Variants in IL12RB1 observed in about 807,000 individuals in gnomAD.
IL12RB1 encodes interleukin-12 receptor subunit beta-1.
A neutral mutation model predicts 94.4 loss-of-function variants in IL12RB1; 64 were observed. The ratio of observed to expected loss-of-function variants is 0.68; its 90% confidence interval spans 0.55 to 0.83. The LOEUF is 0.83. Among genes scored for constraint, IL12RB1 ranks in the 40% least tolerant of loss-of-function variants. IL12RB1 has a pLI of 0.00. For missense variants in IL12RB1, 814 were observed against 855.6 expected, an observed-to-expected ratio of 0.95 and a Z score of 0.61; for synonymous variants, 362 against 355.5, an observed-to-expected ratio of 1.02 and a Z score of -0.21.
At position 18,066,604 on chromosome 19, in the gene IL12RB1, C is replaced by T; in HGVS notation, c.1421G>A (p.Cys474Tyr). ...AACATACTCCTTTAGGACGCCGGGA[C>T]AGGTGCTCAGCAGGGATGGTGCCCA... ...VDWAPSLLST[C>Y]PGVLKEYVVR... Residue 474 changes from cysteine (C) to tyrosine (Y), a missense_variant, in exon 12 of 17, where the codon TGT (cysteine) becomes TAT (tyrosine). By Grantham distance (194) the Cys-to-Tyr change is radical. Transcript: ENST00000593993. 1 of 1,613,516 alleles carries T rather than the reference C, an allele frequency of 6.2e-7. No homozygotes were observed. The highest frequency in any genetic ancestry group is 8.5e-7 in the Non-Finnish European group (1 of 1,179,670).
At chr19:18,069,768 C>T in intron 9 of IL12RB1, 55 bp from the exon 10 acceptor site, 1 of 1,303,348 alleles carries the variant, frequency 7.7e-7, no homozygotes, top group Non-Finnish European at 1.1e-6. Context: ...CTCCCCAGTC[C>T]CCTTCTCTGG....
Position 18,075,863 on chromosome 19 carries a change from A to G in IL12RB1, c.586T>C (p.Cys196Arg), listed in dbSNP as rs755767601. ...CGPQDDDTES[C>R]LCPLEMNVAQ... ...ACATTCATCTCCAGGGGGCAGAGGC[A>G]GGACTCTGGGGAGAGGCAGGTCGAA... Residue 196 changes from cysteine to arginine, a missense_variant, in exon 7 of 17, where the codon TGC becomes CGC. Coordinates refer to ENST00000593993, the MANE Select transcript of IL12RB1 (RefSeq NM_005535.3). 3 of 1,613,200 alleles carry G rather than the reference A, an allele frequency of 1.9e-6. No individual in the cohort carries two copies. Among genetic ancestry groups the G allele is most frequent in the Non-Finnish European group, 2.5e-6 (3 of 1,179,190 alleles).
At chr19:18,089,768 T>G (rs2036549789), upstream of IL12RB1, among the ~76,000 whole-genome samples, 1 of 152,170 alleles carries the variant, frequency 6.6e-6, no homozygotes, top group Admixed American at 6.5e-5. Flanking sequence ...GAGGCCCAAG[T>G]GGCCAGGGTT....
chr19:18,066,578 C>T lies in IL12RB1; in HGVS notation c.1447G>A (p.Val483Ile), dbSNP rs745835437. 1 of 1,613,650 alleles carries T rather than the reference C, an allele frequency of 6.2e-7. No individual in the cohort carries two copies. The stretch of plus-strand genomic sequence containing the variant: ...TTGCTGTCTTCATCTCGGCAGCGGA[C>T]AACATACTCCTTTAGGACGCCGGGA... ...TCPGVLKEYV[V>I]RCRDEDSKQV... is the part of the protein sequence containing the mutation. Residue 483 changes from valine (V) to isoleucine (I), a missense_variant, in exon 12 of 17, where the codon GTC becomes ATC. By Grantham distance (29) the Val-to-Ile change is conservative (BLOSUM62 3). Transcript: ENST00000593993.
chr19:18,066,793 G>A (rs10413535), intron 11 of IL12RB1, 96 bp from the exon 12 acceptor site: 55 of 929,028 alleles, frequency 5.9e-5, no homozygotes, highest in African/African-American at 5.0e-4. Flanking sequence ...TTGGGAGGCC[G>A]AGGTGGGTAA....
chr19:18,080,881 C>T lies in IL12RB1; in HGVS notation c.360G>A (p.Arg120=), dbSNP rs1362088055. The change falls in exon 4 of 17, where the codon AGG becomes AGA. Residue 120 remains arginine, a synonymous_variant. Transcript: ENST00000593993. The part of the protein sequence containing the change: ...TVTLWVESWA[R]NQTEKSPEVT... ...CCTCAGGAGACTTCTCTGTCTGGTT[C>T]CTGGCCCAGGATTCCACCCAGAGTG... 9.3e-6 allele frequency: 15 copies of T among 1,612,386 alleles called. No individual in the cohort carries two copies. The highest frequency in any genetic ancestry group is 1.2e-5 in the Non-Finnish European group (14 of 1,178,560).
chr19:18,062,853 G>A (rs147659999), intron 13 of IL12RB1, among the ~76,000 whole-genome samples: 3 of 151,828 alleles, frequency 2.0e-5, no homozygotes, highest in Non-Finnish European at 2.9e-5. Flanking sequence ...AGGCCTGCCT[G>A]CCCCCCACCA....
At chr19:18,093,153 A>G (rs2036711550) in intron 1 of IL12RB1, among the ~76,000 whole-genome samples, 1 of 151,754 alleles carries the variant, frequency 6.6e-6, no homozygotes, top group Non-Finnish European at 1.5e-5. Context: ...AAAAATACAA[A>G]GATTAGCCGG....
chr19:18,098,386 A>G (rs949270566), intron 1 of IL12RB1, among the ~76,000 whole-genome samples: 4 of 152,030 alleles, frequency 2.6e-5, no homozygotes, highest in Non-Finnish European at 4.4e-5. Flanking sequence ...TGCGCCCTCA[A>G]CCAGCTCTCT....
In IL12RB1 at chr19:18,069,967, G is replaced by C. The variant is rs141209745; in HGVS notation, c.1022-254C>G. On this transcript the variant is annotated intron_variant, in intron 9 of 16. Transcript: ENST00000593993. The stretch of plus-strand genomic sequence containing the variant: ...TTCTTGCTCTGTCGCCCAGGCTGGA[G>C]TGCAGTGGCATGATCTCGGCTCCCT... Among the ~76,000 whole-genome samples the C allele has an allele frequency of 5.0e-3, 761 of 152,202 alleles. 6 individuals carry two copies. The highest frequency in any genetic ancestry group is 0.017 in the African/African-American group (722 of 41,548).
chr19:18,088,162 T>C (rs543241912), upstream of IL12RB1, among the ~76,000 whole-genome samples: 136 of 151,970 alleles, frequency 8.9e-4, no homozygotes, highest in Non-Finnish European at 1.3e-3. Context: ...CCAAGGCAGG[T>C]GGATCACGAG....
Position 18,073,560 on chromosome 19 carries a change from T to G in IL12RB1, c.740A>C (p.Gln247Pro). ...CCGCCTCCTCCCATCCTGGCCCAGCTGCTCCACCGAGAATCTCACCTGAGG... is the reference window on the plus strand; with the variant it reads ...CCGCCTCCTCCCATCCTGGCCCAGCGGCTCCACCGAGAATCTCACCTGAGG... ...PQPQVRFSVE[Q>P]LGQDGRRRLT... The change falls in exon 8 of 17, where the codon CAG (glutamine) becomes CCG (proline). Residue 247 changes from glutamine (Q) to proline (P), a missense_variant. Physicochemically the swap from Gln to Pro is moderately conservative, Grantham distance 76. Coordinates refer to ENST00000593993, the MANE Select transcript of IL12RB1 (RefSeq NM_005535.3). 4 of 1,603,076 alleles carry G rather than the reference T, an allele frequency of 2.5e-6. No homozygotes were observed. Among genetic ancestry groups the G allele is most frequent in the Non-Finnish European group, 3.4e-6 (4 of 1,175,354 alleles).
chr19:18,097,865 G>A, intron 1 of IL12RB1: 1 of 1,226,736 alleles, frequency 8.2e-7, no homozygotes, highest in Non-Finnish European at 1.0e-6. Context: ...GGAAGGCAGA[G>A]GGCGCGGCCA....
chr19:18,059,861 C>A, intron 16 of IL12RB1, 33 bp downstream of exon 16: 1 of 1,300,602 alleles, frequency 7.7e-7, no homozygotes, highest in Non-Finnish European at 1.1e-6. Flanking sequence ...CAGGGTTGCA[C>A]CCCTGACCGT....
rs190399909 is a variant in IL12RB1 at position 18,062,488 on chromosome 19, C to G, written c.1619-211G>C. On this transcript the variant is annotated intron_variant, in intron 13 of 16. Transcript: ENST00000593993. The stretch of plus-strand genomic sequence containing the variant: ...AGGAAGTGTTCAAGACTCTGTAATT[C>G]CAGGCCGGGCACAGTGACTCATGAC... Among the ~76,000 whole-genome samples, 122 of 152,246 alleles carry G rather than the reference C, an allele frequency of 8.0e-4. 1 individual carries two copies. The highest frequency in any genetic ancestry group is 6.2e-4 in the Non-Finnish European group (42 of 68,014).
In IL12RB1 at chr19:18,063,929, G is replaced by GC. The variant is rs1166342215; in HGVS notation, c.1564dup (p.Ala522GlyfsTer24). 6 of 1,613,278 alleles carry GC rather than the reference G, an allele frequency of 3.7e-6. No homozygotes were observed. In the East Asian group the frequency reaches 1.3e-4, roughly 36 times the overall value. ...GACACCCCTCAGCCACGCTGTGTCT[G>GC]CTCGCACCTGCACCGTGTAGGCTAC... is the stretch of plus-strand genomic sequence containing the variant. On this transcript the variant is annotated frameshift_variant, in exon 13 of 17. Coordinates refer to ENST00000593993, the MANE Select transcript of IL12RB1 (RefSeq NM_005535.3). LOFTEE classifies it high-confidence loss of function.
chr19:18,088,828 G>A (rs974535111), upstream of IL12RB1, among the ~76,000 whole-genome samples: 4 of 151,970 alleles, frequency 2.6e-5, no homozygotes, highest in Non-Finnish European at 4.4e-5. Flanking sequence ...TCAGGAGTTT[G>A]AGACCAGCCT....
chr19:18,076,976 G>A (rs915139667), intron 5 of IL12RB1, among the ~76,000 whole-genome samples: 1 of 152,044 alleles, frequency 6.6e-6, no homozygotes, highest in African/African-American at 2.4e-5. Flanking sequence ...GAGGAGTTTG[G>A]GTAAAGGATA....
intron 4 of IL12RB1, among the ~76,000 whole-genome samples, 194 bp downstream of exon 4, chr19:18,080,638 A>G (rs980265406): frequency 2.0e-5 from 3 of 152,196 alleles, no homozygotes; most frequent in Admixed American, 2.0e-4. Context: ...CTAAGTGCCC[A>G]CGAATAGGGG....
Sources: gnomAD v4.1 joint callset for allele counts (sites outside exome capture counted in the v4.1 genomes callset) on GRCh38, gnomAD v4.1.1 for gene constraint, MANE v1.5 for transcripts, NCBI Gene and HGNC (gene_info 2026-07-23, HGNC 2026-07-21) for gene names.